Variants in SMYD3 observed in about 807,000 individuals in gnomAD.
SMYD3 encodes histone-lysine N-methyltransferase SMYD3.
A neutral mutation model predicts 57.7 loss-of-function variants in SMYD3; 36 were observed. The ratio of observed to expected loss-of-function variants is 0.62; its 90% CI spans 0.48 to 0.82. SMYD3 has a LOEUF of 0.82. SMYD3 is among the 40% of genes least tolerant of loss of function. SMYD3 has a pLI of 0.00. For synonymous variants in SMYD3, 211 were observed against 195.0 expected, an observed-to-expected ratio of 1.08 and a Z score of -0.68; for missense variants, 515 against 538.8, an observed-to-expected ratio of 0.96 and a Z score of 0.44.
Position 245,973,665 on chromosome 1 carries a change from T to C in SMYD3, c.532-43728A>G, listed in dbSNP as rs565694979. Among the ~76,000 whole-genome samples the C allele has an allele frequency of 2.0e-5, 3 of 152,338 alleles. No homozygotes were observed. In the East Asian group the frequency reaches 5.8e-4, roughly 29 times the overall value. On this transcript the variant is annotated intron_variant, in intron 5 of 11. Coordinates refer to ENST00000490107, the MANE Select transcript of SMYD3 (RefSeq NM_001167740.2). ...GAGTTCTAGTGCACCCATCAGTTGC[T>C]CTTGTAACCAGACACTGTCCAAGGA...
rs111556845 is a variant in SMYD3 at position 246,146,934 on chromosome 1, C to T, written c.531+180267G>A. Among the ~76,000 whole-genome samples, 97 of 152,230 alleles carry T rather than the reference C, an allele frequency of 6.4e-4. 1 individual carries two copies. The highest frequency in any genetic ancestry group is 2.3e-3 in the African/African-American group (95 of 41,534). ...GCAAACTGACACAGGGGCCTGCAGA[C>T]GGTTGTGTGTGGCTTTTGGAGTTAG... On this transcript the variant is annotated intron_variant, in intron 5 of 11. Transcript: ENST00000490107.
intron 5 of SMYD3, among the ~76,000 whole-genome samples, chr1:245,994,498 A>T (rs1404603768): frequency 2.6e-5 from 4 of 152,132 alleles, no homozygotes; most frequent in Non-Finnish European, 4.4e-5. Flanking sequence ...AGCACTTTGG[A>T]TGCCCTCACC....
chr1:246,351,187 C>G (rs2065817012), intron 2 of SMYD3, among the ~76,000 whole-genome samples: 1 of 152,108 alleles, frequency 6.6e-6, no homozygotes, highest in African/African-American at 2.4e-5. Context: ...CTATAATTAT[C>G]AATATAAAAT....
chr1:246,344,408 C>T (rs1249500613), intron 2 of SMYD3, among the ~76,000 whole-genome samples: 1 of 152,198 alleles, frequency 6.6e-6, no homozygotes, highest in Non-Finnish European at 1.5e-5. Context: ...TTGAGATTCA[C>T]TAACGTTGCG....
At chr1:245,802,847 T>C (rs1264206789) in intron 10 of SMYD3, among the ~76,000 whole-genome samples, 4 of 152,218 alleles carry the variant, frequency 2.6e-5, no homozygotes, top group Non-Finnish European at 2.9e-5. Flanking sequence ...TAAGCTCTTA[T>C]CTTGGGCAAA....
intron 5 of SMYD3, among the ~76,000 whole-genome samples, chr1:246,088,361 G>A (rs142935871): frequency 0.019 from 2,956 of 151,930 alleles, 140 homozygotes; most frequent in East Asian, 0.16. Context: ...TGTAATCCCA[G>A]CACTTTGGGA....
chr1:246,299,812 C>A (rs1361605577), intron 5 of SMYD3, among the ~76,000 whole-genome samples: 1 of 151,502 alleles, frequency 6.6e-6, no homozygotes, highest in Non-Finnish European at 1.5e-5. Context: ...CGGAGAGGAA[C>A]AACAGACACT....
At chr1:245,881,940 G>A (rs12028766) in intron 8 of SMYD3, among the ~76,000 whole-genome samples, 88,201 of 152,058 alleles carry the variant, frequency 0.58, 29,262 homozygotes, top group Non-Finnish European at 0.76. Flanking sequence ...AGCCTGAGCC[G>A]AGACTGGTAG....
chr1:245,923,193 A>T (rs761710067), intron 7 of SMYD3, among the ~76,000 whole-genome samples: 7 of 152,060 alleles, frequency 4.6e-5, no homozygotes, highest in Non-Finnish European at 7.4e-5. Flanking sequence ...CCCAAATCTA[A>T]CTCAGGGGTT....
chr1:245,783,183 A>G (rs900963108), intron 10 of SMYD3, among the ~76,000 whole-genome samples: 1 of 152,202 alleles, frequency 6.6e-6, no homozygotes, highest in Admixed American at 6.5e-5. Context: ...ACATAACGTG[A>G]TAAGAGAAGG....
At chr1:246,383,727 C>T (rs890512760) in intron 1 of SMYD3, among the ~76,000 whole-genome samples, 8 of 152,060 alleles carry the variant, frequency 5.3e-5, no homozygotes, top group East Asian at 1.9e-4. Context: ...TTTGGGAGGC[C>T]GAGGTGGGTT....
chr1:246,406,167 G>A (rs1301667256), intron 1 of SMYD3, among the ~76,000 whole-genome samples: 1 of 151,760 alleles, frequency 6.6e-6, no homozygotes, highest in Non-Finnish European at 1.5e-5. Context: ...CAAGCAATCT[G>A]CCTGCCTCAG....
chr1:246,323,012 A>C (rs927947235), intron 5 of SMYD3, among the ~76,000 whole-genome samples: 2 of 152,202 alleles, frequency 1.3e-5, no homozygotes, highest in African/African-American at 4.8e-5. Flanking sequence ...GGAGGAATCA[A>C]CACCCTCACT....
intron 5 of SMYD3, among the ~76,000 whole-genome samples, chr1:246,308,072 A>G (rs2065017353): frequency 6.6e-6 from 1 of 152,182 alleles, no homozygotes; most frequent in South Asian, 2.1e-4. Context: ...CATCACCATT[A>G]TCGCAGTCTG....
At chr1:246,282,602 T>C (rs1361648320) in intron 5 of SMYD3, among the ~76,000 whole-genome samples, 1 of 152,062 alleles carries the variant, frequency 6.6e-6, no homozygotes, top group East Asian at 1.9e-4. Context: ...TATCATTATT[T>C]TTCCACATCT....
chr1:245,795,854 T>C (rs989293174), intron 10 of SMYD3, among the ~76,000 whole-genome samples: 11 of 152,198 alleles, frequency 7.2e-5, no homozygotes, highest in Admixed American at 6.5e-4. Flanking sequence ...TTAAATACAG[T>C]CTCTCTCCCT....
At chr1:246,122,724 G>T in intron 5 of SMYD3, among the ~76,000 whole-genome samples, 1 of 152,198 alleles carries the variant, frequency 6.6e-6, no homozygotes, top group African/African-American at 2.4e-5. Context: ...GTAACCAAAT[G>T]TAAGATGACA....
At chr1:246,093,730 C>T (rs1161263765) in intron 5 of SMYD3, among the ~76,000 whole-genome samples, 2 of 151,800 alleles carry the variant, frequency 1.3e-5, no homozygotes, top group African/African-American at 4.8e-5. Context: ...AACTTGATAA[C>T]AAAACCTCAG....
rs59644890 is a variant in SMYD3, at chr1:245,785,644, C to CGA, written c.1077-21497_1077-21496dup. Among the ~76,000 whole-genome samples, 479 of 149,464 alleles carry CGA rather than the reference C, an allele frequency of 3.2e-3. 5 individuals carry two copies. Among genetic ancestry groups the CGA allele is most frequent in the Middle Eastern group, 0.031 (9 of 290 alleles). On this transcript the variant is annotated intron_variant, in intron 10 of 11. Transcript: ENST00000490107. ...ACCTCTCCCCCAGAGAGAGAGCGAG[C>CGA]GAGAGAGAGAGAGAGAGTGCGTGAG...
Sources: allele counts gnomAD v4.1 joint callset (sites outside exome capture counted in the v4.1 genomes callset), GRCh38; gene constraint gnomAD v4.1.1; transcripts MANE v1.5; gene names NCBI Gene and HGNC (gene_info 2026-07-23, HGNC 2026-07-21).